The following SORCS3 variants were observed in gnomAD, a reference collection of about 807,000 sequenced individuals.
SORCS3 encodes VPS10 domain-containing receptor SorCS3.
Under a neutral mutation model 146.3 loss-of-function variants are expected in SORCS3, and 57 were observed. The observed-to-expected ratio is 0.39, with a 90% CI of 0.31 to 0.49. SORCS3 has a LOEUF of 0.49. Among genes scored for constraint, SORCS3 ranks in the 20% least tolerant of loss-of-function variants. The pLI is 0.92. For missense variants in SORCS3, 1,341 were observed against 1,575.5 expected (o/e 0.85, Z 2.52); for synonymous variants, 653 against 618.5 (o/e 1.06, Z -0.83).
chr10:104,936,474 G>C (rs1750309089), intron 3 of SORCS3, among the ~76,000 whole-genome samples: 1 of 152,164 alleles, frequency 6.6e-6, no homozygotes, highest in Admixed American at 6.5e-5. Flanking sequence ...CTGGGTAAAT[G>C]AATGAGAGCT....
chr10:105,058,958 C>T (rs560161417), intron 5 of SORCS3, among the ~76,000 whole-genome samples: 1 of 152,228 alleles, frequency 6.6e-6, no homozygotes, highest in East Asian at 1.9e-4. Flanking sequence ...CACAACTTTG[C>T]ACAAATAAAA....
At chr10:104,898,681 G>T (rs917084100) in intron 2 of SORCS3, among the ~76,000 whole-genome samples, 3 of 152,096 alleles carry the variant, frequency 2.0e-5, no homozygotes, top group Admixed American at 6.5e-5. Flanking sequence ...TTTCATACCT[G>T]GCAAAAACAC....
At chr10:105,167,209 C>A in intron 12 of SORCS3, 49 bp from the exon 13 acceptor site, 1 of 1,430,974 alleles carries the variant, frequency 7.0e-7, no homozygotes, top group Non-Finnish European at 9.8e-7. Context: ...AAGCACTATG[C>A]AAATGTAAGG....
At chr10:104,993,850 G>T (rs1171520159) in intron 4 of SORCS3, among the ~76,000 whole-genome samples, 1 of 152,108 alleles carries the variant, frequency 6.6e-6, no homozygotes, top group Non-Finnish European at 1.5e-5. Flanking sequence ...AATCATTAAA[G>T]ATACTGAAAA....
intron 6 of SORCS3, among the ~76,000 whole-genome samples, chr10:105,099,713 G>A (rs1368412211): frequency 1.2e-4 from 19 of 152,164 alleles, no homozygotes; most frequent in Admixed American, 1.2e-3. Context: ...GAAAGGCTGT[G>A]GCTGCCTGCC....
At chr10:104,732,557 G>C (rs533386244) in intron 1 of SORCS3, among the ~76,000 whole-genome samples, 226 of 152,266 alleles carry the variant, frequency 1.5e-3, no homozygotes, top group Middle Eastern at 6.8e-3. Context: ...AGGGGGTGGG[G>C]GCAGTATGAA....
chr10:104,890,756 A>C (rs2018741456), intron 2 of SORCS3, among the ~76,000 whole-genome samples: 1 of 152,348 alleles, frequency 6.6e-6, no homozygotes, highest in South Asian at 2.1e-4. Context: ...TTTCCTGTGC[A>C]TCATAGGATA....
chr10:104,856,077 G>C (rs1193773380), intron 2 of SORCS3, among the ~76,000 whole-genome samples: 1 of 152,040 alleles, frequency 6.6e-6, no homozygotes, highest in Admixed American at 6.6e-5. Flanking sequence ...CACGGTGCTA[G>C]GCGTTTTCTG....
At chr10:105,006,499 C>G (rs910933328) in intron 4 of SORCS3, among the ~76,000 whole-genome samples, 37 of 152,144 alleles carry the variant, frequency 2.4e-4, no homozygotes, top group African/African-American at 8.7e-4. Flanking sequence ...CCAGACTGAT[C>G]CACTAAAATA....
chr10:104,702,848 C>G (rs970200234), intron 1 of SORCS3, among the ~76,000 whole-genome samples: 1 of 152,192 alleles, frequency 6.6e-6, no homozygotes, highest in Admixed American at 6.5e-5. Context: ...TTCAACTATA[C>G]GAATATCTAG....
At chr10:104,932,068 C>T (rs1454441734) in intron 3 of SORCS3, among the ~76,000 whole-genome samples, 1 of 152,188 alleles carries the variant, frequency 6.6e-6, no homozygotes, top group Non-Finnish European at 1.5e-5. Flanking sequence ...CTGCTGGCTT[C>T]CTGGTCTCAG....
chr10:104,890,765 T>C (rs1251889859), intron 2 of SORCS3, among the ~76,000 whole-genome samples: 1 of 152,228 alleles, frequency 6.6e-6, no homozygotes, highest in Non-Finnish European at 1.5e-5. Context: ...CATCATAGGA[T>C]ATTTAGCAGA....
intron 1 of SORCS3, among the ~76,000 whole-genome samples, chr10:104,776,458 G>T (rs1290847096): frequency 6.6e-6 from 1 of 152,044 alleles, no homozygotes; most frequent in Non-Finnish European, 1.5e-5. Flanking sequence ...TTTGGAAAAT[G>T]GGACAAGACA....
At chr10:104,672,982 C>A (rs1304333480) in intron 1 of SORCS3, among the ~76,000 whole-genome samples, 1 of 152,072 alleles carries the variant, frequency 6.6e-6, no homozygotes, top group Admixed American at 6.6e-5. Flanking sequence ...CTGTTCTGAA[C>A]CTTTTATTAA....
chr10:105,033,945 T>C (rs1381130154), intron 4 of SORCS3, among the ~76,000 whole-genome samples: 1 of 152,138 alleles, frequency 6.6e-6, no homozygotes, highest in African/African-American at 2.4e-5. Flanking sequence ...CTTTAAAAGA[T>C]CTGAAAAGGG....
chr10:105,032,029 C>A (rs1239779829), intron 4 of SORCS3, among the ~76,000 whole-genome samples: 1 of 152,060 alleles, frequency 6.6e-6, no homozygotes, highest in East Asian at 1.9e-4. Context: ...CCCGTCTGTA[C>A]TAAAAATACA....
At position 104,821,293 on chromosome 10, in the gene SORCS3, A is replaced by G. The variant is rs143838482; in HGVS notation, c.628-21499A>G. Among the ~76,000 whole-genome samples the G allele has an allele frequency of 6.0e-3, 914 of 152,310 alleles. 17 individuals carry two copies. Among genetic ancestry groups the G allele is most frequent in the African/African-American group, 0.021 (853 of 41,570 alleles). On this transcript the variant is annotated intron_variant, in intron 1 of 26. Transcript: ENST00000369701. ...GGAATGGGAGATACCAGAAAATATA[A>G]TGGGCCACAGATGGAGAGATGAGTG...
rs554446198 is a variant in SORCS3, at chr10:104,805,905, CT to C, written c.628-36886del. ...CTTTTCTTTCTTTTTCTCTTTTTCT[CT>C]CTTGCGTGTGTAAGTCGTAGTATTT... On this transcript the variant is annotated intron_variant, in intron 1 of 26. Transcript: ENST00000369701. Among the ~76,000 whole-genome samples the C allele has an allele frequency of 3.3e-3, 506 of 152,150 alleles. 4 individuals carry two copies. Among genetic ancestry groups the C allele is most frequent in the African/African-American group, 0.012 (487 of 41,502 alleles).
At chr10:105,262,263 G>A (rs2056965142) in intron 25 of SORCS3, 68 bp from the exon 26 acceptor site, 1 of 1,473,020 alleles carries the variant, frequency 6.8e-7, no homozygotes, top group Non-Finnish European at 9.4e-7. Flanking sequence ...TTATCCCCCA[G>A]GATTTCCAGC....
Sources: allele counts gnomAD v4.1 joint callset (sites outside exome capture counted in the v4.1 genomes callset), GRCh38; gene constraint gnomAD v4.1.1; transcripts MANE v1.5; gene names NCBI Gene and HGNC (gene_info 2026-07-23, HGNC 2026-07-21).